The following ASAP2 variants were observed in gnomAD, a reference collection of about 807,000 sequenced individuals.
The protein encoded by ASAP2 is ArfGAP with SH3 domain, ankyrin repeat and PH domain 2.
A neutral mutation model predicts 131.4 loss-of-function variants in ASAP2; 45 were observed. The observed-to-expected ratio is 0.34, with a 90% confidence interval of 0.27 to 0.44. The LOEUF (loss-of-function observed/expected upper bound fraction) is 0.44. Among genes scored for constraint, ASAP2 ranks in the 20% least tolerant of loss-of-function variants. The pLI is 1.00. For missense variants in ASAP2, 1,011 were observed against 1,297.0 expected (o/e 0.78, Z 3.39); for synonymous variants, 510 against 503.0 (o/e 1.01, Z -0.19).
At position 9,392,488 on chromosome 2, in the gene ASAP2, G is replaced by T. The variant is rs779579303; in HGVS notation, c.2519-994G>T. On this transcript the variant is annotated intron_variant, in intron 23 of 27. Coordinates refer to ENST00000281419, the MANE Select transcript of ASAP2 (RefSeq NM_003887.3). This position sits in a 1 kb window ranked among gnomAD's most constrained non-coding sequence, Gnocchi z 4.0. ...GTGTGCACATGCCGGCAGCAGAGCC[G>T]GGAGCAGTGGGTCTGGGAGGGTCTT... Among the ~76,000 whole-genome samples, 1 of 152,164 alleles carries T rather than the reference G, an allele frequency of 6.6e-6. No homozygotes were observed. The highest frequency in any genetic ancestry group is 2.1e-4 in the South Asian group (1 of 4,824).
chr2:9,334,952 T>C (rs1671101109), intron 8 of ASAP2, 139 bp downstream of exon 8: 1 of 1,340,014 alleles, frequency 7.5e-7, no homozygotes, highest in Non-Finnish European at 1.0e-6. Flanking sequence ...GCCTGTCCTC[T>C]GTCTTGGTGG....
At chr2:9,230,370 A>G (rs1201855753) in intron 1 of ASAP2, among the ~76,000 whole-genome samples, 1 of 152,190 alleles carries the variant, frequency 6.6e-6, no homozygotes, top group Non-Finnish European at 1.5e-5. Flanking sequence ...CTGTGTTACA[A>G]GACTGAGCAG....
chr2:9,223,560 T>C (rs1662570568), intron 1 of ASAP2, among the ~76,000 whole-genome samples: 1 of 152,318 alleles, frequency 6.6e-6, no homozygotes, highest in Admixed American at 6.5e-5. Context: ...AATTTTTTTT[T>C]CCAAAGGAAA....
At chr2:9,310,772 C>T (rs1395454940) in intron 3 of ASAP2, among the ~76,000 whole-genome samples, 1 of 152,138 alleles carries the variant, frequency 6.6e-6, no homozygotes, top group Non-Finnish European at 1.5e-5. Flanking sequence ...AGATCCCCAC[C>T]ACCACCATCC....
chr2:9,263,134 C>T (rs1413585888), intron 1 of ASAP2, among the ~76,000 whole-genome samples: 11 of 152,180 alleles, frequency 7.2e-5, no homozygotes, highest in African/African-American at 2.7e-4. Flanking sequence ...GCTGGCTTTC[C>T]ACTGTCTCGG....
At chr2:9,242,660 T>G (rs1664058043) in intron 1 of ASAP2, among the ~76,000 whole-genome samples, 1 of 152,242 alleles carries the variant, frequency 6.6e-6, no homozygotes, top group African/African-American at 2.4e-5. Context: ...AGGCCTTTGC[T>G]TCCTCAGGAT....
chr2:9,237,256 G>A (rs1208783701), intron 1 of ASAP2, among the ~76,000 whole-genome samples: 1 of 152,114 alleles, frequency 6.6e-6, no homozygotes, highest in Non-Finnish European at 1.5e-5. Flanking sequence ...AAGTGAAAAT[G>A]GAAAAGTTTA....
chr2:9,385,733 T>C (rs1039518078), intron 21 of ASAP2, among the ~76,000 whole-genome samples: 15 of 152,218 alleles, frequency 9.9e-5, no homozygotes, highest in Non-Finnish European at 2.2e-4. Flanking sequence ...TGGTTGATCT[T>C]ATAAAAACAT....
intron 26 of ASAP2, 75 bp downstream of exon 26, chr2:9,400,905 G>A: frequency 1.4e-6 from 2 of 1,424,082 alleles, no homozygotes; most frequent in Non-Finnish European, 2.0e-6. Context: ...GGGCTCAGGG[G>A]AAGCAAGTCT....
At position 9,388,513 on chromosome 2, in the gene ASAP2, GC is replaced by G; in HGVS notation, c.2357del (p.Pro786ArgfsTer25). The G allele has an allele frequency of 6.2e-7, 1 of 1,612,758 alleles. No individual in the cohort carries two copies. Among genetic ancestry groups the G allele is most frequent in the Non-Finnish European group, 8.5e-7 (1 of 1,179,622 alleles). On this transcript the variant is annotated frameshift_variant, in exon 22 of 28. Coordinates refer to ENST00000281419, the MANE Select transcript of ASAP2 (RefSeq NM_003887.3). LOFTEE classifies it high-confidence loss of function. ...AQPAAPSTTS[A>X]PPLPPRNVGK... The stretch of plus-strand genomic sequence containing the variant: ...GCCTGCAGCCCCCAGCACCACCAGC[GC>G]CCCCCCGCTTCCTCCACGGAATGTT...
chr2:9,317,223 A>G (rs924856952), intron 3 of ASAP2, among the ~76,000 whole-genome samples: 46 of 147,582 alleles, frequency 3.1e-4, no homozygotes, highest in African/African-American at 7.3e-4. Context: ...CCACACTCAC[A>G]CAATCACACA....
At chr2:9,336,991 G>A (rs911678616) in intron 9 of ASAP2, among the ~76,000 whole-genome samples, 3 of 152,276 alleles carry the variant, frequency 2.0e-5, no homozygotes, top group Non-Finnish European at 4.4e-5. Context: ...CTTTGCCTGT[G>A]CAGAATTAGG....
chr2:9,253,612 TCTGTC>T (rs1664882577), intron 1 of ASAP2, among the ~76,000 whole-genome samples: 1 of 152,222 alleles, frequency 6.6e-6, no homozygotes, highest in African/African-American at 2.4e-5. Flanking sequence ...TGCGCTGCTT[TCTGTC>T]CTTACAATTT....
Position 9,207,628 on chromosome 2 carries a change from G to A in ASAP2, c.126+398G>A, listed in dbSNP as rs183370397. 5.6e-3 allele frequency among the ~76,000 whole-genome samples: 847 copies of A among 152,074 alleles called. 7 individuals are homozygous for A. Among genetic ancestry groups the A allele is most frequent in the Middle Eastern group, 0.028 (8 of 290 alleles). On this transcript the variant is annotated intron_variant, in intron 1 of 27. Transcript: ENST00000281419. The surrounding 1 kb of genome is among the most constrained non-coding windows in gnomAD (Gnocchi z 4.1). Reference sequence around the variant, plus strand: ...AACTTGTTCTTGAAGTGGACCGGCGGGGGCAGCTCCGCGCTCCGAGCTCCC... The same window carrying A: ...AACTTGTTCTTGAAGTGGACCGGCGAGGGCAGCTCCGCGCTCCGAGCTCCC...
intron 1 of ASAP2, among the ~76,000 whole-genome samples, chr2:9,219,077 T>A (rs1483996278): frequency 1.3e-5 from 2 of 152,220 alleles, no homozygotes; most frequent in Non-Finnish European, 2.9e-5. Context: ...GGTCTCTTAA[T>A]TAAAACTTTG....
intron 6 of ASAP2, among the ~76,000 whole-genome samples, chr2:9,325,612 A>G (rs980985054): frequency 3.9e-5 from 6 of 152,226 alleles, no homozygotes; most frequent in Non-Finnish European, 8.8e-5. Context: ...TGACTTGAGG[A>G]GTAATTGGTT....
chr2:9,212,824 G>A lies in ASAP2; in HGVS notation c.126+5594G>A, dbSNP rs185380441. On this transcript the variant is annotated intron_variant, in intron 1 of 27. Transcript: ENST00000281419. Reference sequence around the variant, plus strand: ...GAAACTTGCTGAAATGCAGAGCCCCGGGTTCCACCCAGGACAATTTTTACA... The same window carrying A: ...GAAACTTGCTGAAATGCAGAGCCCCAGGTTCCACCCAGGACAATTTTTACA... Among the ~76,000 whole-genome samples, 303 of 152,100 alleles carry A rather than the reference G, an allele frequency of 2.0e-3. 1 individual carries two copies. The highest frequency in any genetic ancestry group is 9.0e-3 in the South Asian group (43 of 4,804).
intron 7 of ASAP2, among the ~76,000 whole-genome samples, chr2:9,330,736 T>C (rs1670778138): frequency 6.6e-6 from 1 of 152,216 alleles, no homozygotes; most frequent in African/African-American, 2.4e-5. Context: ...GCTGATATTT[T>C]ATTTTTAAGA....
At chr2:9,343,612 A>G (rs1188394420) in intron 9 of ASAP2, among the ~76,000 whole-genome samples, 2 of 151,956 alleles carry the variant, frequency 1.3e-5, no homozygotes, top group East Asian at 3.9e-4. Context: ...ATACCTAGCT[A>G]ATTTTTGTAT....
Sources: allele counts gnomAD v4.1 joint callset (sites outside exome capture counted in the v4.1 genomes callset), GRCh38; gene constraint gnomAD v4.1.1; non-coding constraint Gnocchi (gnomAD v3.1); transcripts MANE v1.5; gene names NCBI Gene and HGNC (gene_info 2026-07-23, HGNC 2026-07-21).